SOX6: variants seen among roughly 807,000 people sequenced by gnomAD.
SOX6 encodes the protein SRY-box transcription factor 6, also known as transcription factor SOX-6.
SOX6 carries 11 observed loss-of-function variants against 97.8 expected under a neutral mutation model. The observed-to-expected ratio is 0.11, with a 90% CI of 0.07 to 0.19. SOX6 has a LOEUF of 0.19. Among genes scored for constraint, SOX6 ranks in the 10% least tolerant of loss-of-function variants. SOX6 has a pLI of 1.00. For missense variants in SOX6, 810 were observed against 1,039.5 expected, an observed-to-expected ratio of 0.78 and a Z score of 3.04; for synonymous variants, 360 against 371.4, an observed-to-expected ratio of 0.97 and a Z score of 0.35.
At chr11:16,574,624 G>A (rs534271940) in intron 4 of SOX6, among the ~76,000 whole-genome samples, 1 of 152,016 alleles carries the variant, frequency 6.6e-6, no homozygotes, top group South Asian at 2.1e-4. Context: ...TTAAAAATGA[G>A]AACATCTGTT....
intron 2 of SOX6, among the ~76,000 whole-genome samples, chr11:16,733,528 T>C (rs1461118816): frequency 7.9e-6 from 1 of 126,092 alleles, no homozygotes; most frequent in Non-Finnish European, 1.5e-5. Context: ...AGTTGAACAA[T>C]GAGAACACAT....
At chr11:16,480,868 T>C (rs974870437), upstream of SOX6, among the ~76,000 whole-genome samples, 5 of 152,174 alleles carry the variant, frequency 3.3e-5, no homozygotes, top group Non-Finnish European at 5.9e-5. Context: ...AATAACTTTT[T>C]AAAATTTATT....
chr11:16,271,734 T>A (rs918224822), intron 3 of SOX6, among the ~76,000 whole-genome samples: 5 of 151,382 alleles, frequency 3.3e-5, no homozygotes, highest in Non-Finnish European at 7.4e-5. Context: ...ATTTTGCGTG[T>A]TTATGTTTTT....
chr11:16,064,910 A>G lies in SOX6; in HGVS notation c.1102-9009T>C, dbSNP rs78861977. 7.9e-3 allele frequency among the ~76,000 whole-genome samples: 1,204 copies of G among 152,152 alleles called. 19 individuals are homozygous for G. The highest frequency in any genetic ancestry group is 0.027 in the African/African-American group (1,119 of 41,550). The stretch of plus-strand genomic sequence containing the variant: ...ATATGACAGACACACAGCAAATACC[A>G]TACTCAATGGAGAAAAACAGAAAGC... On this transcript the variant is annotated intron_variant, in intron 9 of 15. Transcript: ENST00000683767.
intron 12 of SOX6, among the ~76,000 whole-genome samples, chr11:16,026,788 G>T (rs1855227099): frequency 6.6e-6 from 1 of 152,048 alleles, no homozygotes; most frequent in South Asian, 2.1e-4. Flanking sequence ...TTCTTAAGAT[G>T]AAGTAAAATT....
At chr11:16,297,026 A>G (rs1855114831) in intron 3 of SOX6, among the ~76,000 whole-genome samples, 1 of 152,190 alleles carries the variant, frequency 6.6e-6, no homozygotes, top group African/African-American at 2.4e-5. Context: ...TTTCAAAATA[A>G]AAGTTTTACA....
intron 3 of SOX6, among the ~76,000 whole-genome samples, chr11:16,706,754 A>G (rs959294822): frequency 6.6e-6 from 1 of 151,366 alleles, no homozygotes; most frequent in African/African-American, 2.4e-5. Context: ...CATTAAAATG[A>G]CAAATTAGCC....
At chr11:16,135,931 C>T (rs543636801) in intron 6 of SOX6, among the ~76,000 whole-genome samples, 1 of 152,256 alleles carries the variant, frequency 6.6e-6, no homozygotes, top group Admixed American at 6.5e-5. Flanking sequence ...CTACAGCTAC[C>T]CAATCTTTAA....
At chr11:16,738,444 A>C (rs1247384870) in exon 1 of SOX6, 1 of 406,314 alleles carries the variant, frequency 2.5e-6, no homozygotes, top group Non-Finnish European at 4.6e-6. Flanking sequence ...CATCCGCGGG[A>C]ACGCTTCCTC....
At chr11:16,655,964 G>A (rs1016702937) in intron 3 of SOX6, among the ~76,000 whole-genome samples, 1 of 150,990 alleles carries the variant, frequency 6.6e-6, no homozygotes, top group Admixed American at 6.6e-5. Flanking sequence ...GTGAGACCCT[G>A]TCTCATTAAA....
At chr11:16,364,336 A>G (rs16932975) in intron 1 of SOX6, among the ~76,000 whole-genome samples, 6,594 of 152,210 alleles carry the variant, frequency 0.043, 451 homozygotes, top group African/African-American at 0.14. Flanking sequence ...AAAATAACTT[A>G]GTAGCCCAAA....
intron 1 of SOX6, among the ~76,000 whole-genome samples, chr11:16,367,202 G>A (rs886195975): frequency 5.9e-5 from 9 of 152,128 alleles, no homozygotes; most frequent in Non-Finnish European, 1.2e-4. Flanking sequence ...TTCTGTTTCT[G>A]AAACAGAAGT....
At chr11:16,498,015 T>C (rs1220788221) in intron 4 of SOX6, among the ~76,000 whole-genome samples, 2 of 151,958 alleles carry the variant, frequency 1.3e-5, no homozygotes, top group Admixed American at 6.5e-5. Flanking sequence ...CACATAACTG[T>C]CAGATTCACC....
chr11:16,342,610 G>A (rs910609867), intron 1 of SOX6, among the ~76,000 whole-genome samples: 2 of 151,882 alleles, frequency 1.3e-5, no homozygotes, highest in African/African-American at 4.8e-5. Flanking sequence ...ATATTGCAGT[G>A]AAGGAAATAT....
At chr11:16,067,589 C>T (rs1848123906) in intron 9 of SOX6, among the ~76,000 whole-genome samples, 1 of 152,020 alleles carries the variant, frequency 6.6e-6, no homozygotes, top group Admixed American at 6.6e-5. Context: ...CTGGTATGTC[C>T]TCATTAGCAG....
intron 6 of SOX6, among the ~76,000 whole-genome samples, chr11:16,122,565 GAAGGC>G (rs1283495396): frequency 1.3e-5 from 2 of 151,986 alleles, no homozygotes; most frequent in Non-Finnish European, 2.9e-5. Flanking sequence ...GACCCACAAT[GAAGGC>G]AATCTGGCTT....
At chr11:16,579,707 T>C (rs7110090) in intron 4 of SOX6, among the ~76,000 whole-genome samples, 149,214 of 152,128 alleles carry the variant, frequency 0.98, 73,255 homozygotes, top group East Asian at 1. Flanking sequence ...TGTGGACATA[T>C]GGGTTGTTTA....
At chr11:16,368,299 T>C (rs1450940147) in intron 1 of SOX6, among the ~76,000 whole-genome samples, 2 of 152,086 alleles carry the variant, frequency 1.3e-5, no homozygotes, top group Non-Finnish European at 2.9e-5. Flanking sequence ...CTAGCCAACA[T>C]AGTAAAACCC....
chr11:16,032,355 TCA>T (rs1855400614), intron 12 of SOX6, among the ~76,000 whole-genome samples: 1 of 152,202 alleles, frequency 6.6e-6, no homozygotes, highest in South Asian at 2.1e-4. Flanking sequence ...AATCTTTACC[TCA>T]CAGGATTTCT....
Sources: gnomAD v4.1 joint callset for allele counts (sites outside exome capture counted in the v4.1 genomes callset) on GRCh38, gnomAD v4.1.1 for gene constraint, MANE v1.5 for transcripts, NCBI Gene and HGNC (gene_info 2026-07-23, HGNC 2026-07-21) for gene names.